Variants in RBFOX1 observed in about 807,000 individuals in gnomAD.
RBFOX1 encodes RNA binding fox-1 homolog 1, also known as RNA binding protein fox-1 homolog 1.
In RBFOX1, 8 loss-of-function variants were observed where a neutral mutation model predicts 57.7. The observed-to-expected ratio is 0.14, with a 90% CI of 0.08 to 0.25. The LOEUF is 0.25. RBFOX1 is among the 10% of genes least tolerant of loss of function. The pLI, the probability that RBFOX1 is intolerant of heterozygous loss-of-function variation, is 1.00. For missense variants in RBFOX1, 611 were observed against 548.5 expected (o/e 1.11, Z -1.14); for synonymous variants, 326 against 222.4 (o/e 1.47, Z -4.15).
intron 3 of RBFOX1, among the ~76,000 whole-genome samples, chr16:5,674,994 A>T (rs961185409): frequency 1.2e-4 from 18 of 152,032 alleles, no homozygotes; most frequent in African/African-American, 4.1e-4. Flanking sequence ...GAAAAATTTT[A>T]AAAAATTAGC....
chr16:6,530,096 A>G (rs2096635720), intron 2 of RBFOX1, among the ~76,000 whole-genome samples: 1 of 152,286 alleles, frequency 6.6e-6, no homozygotes, highest in Non-Finnish European at 1.5e-5. Flanking sequence ...TCAGACTTGT[A>G]GCTTCCGAAA....
intron 3 of RBFOX1, among the ~76,000 whole-genome samples, chr16:5,743,641 CAT>C (rs1392536999): frequency 6.6e-6 from 1 of 152,212 alleles, no homozygotes; most frequent in African/African-American, 2.4e-5. Context: ...AAAAATCACA[CAT>C]GATTTTCATT....
At chr16:6,070,403 A>G (rs184841003) in intron 1 of RBFOX1, among the ~76,000 whole-genome samples, 211 of 152,312 alleles carry the variant, frequency 1.4e-3, no homozygotes, top group African/African-American at 5.0e-3. Context: ...GCCTTTTGCA[A>G]ACACAGCTGA....
intron 4 of RBFOX1, among the ~76,000 whole-genome samples, chr16:7,385,915 G>GTTAT (rs1217391760): frequency 2.4e-4 from 21 of 89,040 alleles, no homozygotes; most frequent in African/African-American, 4.0e-4. Context: ...ACCATGCCCA[G>GTTAT]TTACTTATTT....
At chr16:5,314,823 A>G (rs1488100319) in intron 1 of RBFOX1, among the ~76,000 whole-genome samples, 1 of 119,698 alleles carries the variant, frequency 8.4e-6, no homozygotes. Context: ...AAACCAGAAG[A>G]TATTGGAAAA....
At chr16:7,097,261 A>G (rs2061860700) in intron 4 of RBFOX1, among the ~76,000 whole-genome samples, 1 of 152,098 alleles carries the variant, frequency 6.6e-6, no homozygotes, top group South Asian at 2.1e-4. Flanking sequence ...TTAGAAGGCC[A>G]TTGTGTACGT....
intron 5 of RBFOX1, among the ~76,000 whole-genome samples, chr16:7,554,564 T>A (rs1292434974): frequency 1.3e-5 from 2 of 152,230 alleles, no homozygotes; most frequent in Admixed American, 6.5e-5. Context: ...AATGTGGAGA[T>A]GTTCAAAGTC....
intron 5 of RBFOX1, among the ~76,000 whole-genome samples, chr16:7,546,456 G>A (rs1342153015): frequency 6.6e-6 from 1 of 152,196 alleles, no homozygotes; most frequent in Non-Finnish European, 1.5e-5. Context: ...CCCTTATGGT[G>A]TGCTTAAACC....
At chr16:6,973,341 C>G (rs748723311) in intron 3 of RBFOX1, among the ~76,000 whole-genome samples, 1 of 152,158 alleles carries the variant, frequency 6.6e-6, no homozygotes. Context: ...CAGACAAAAG[C>G]AGCACTTATT....
At chr16:5,484,852 T>C (rs2069670530) in intron 2 of RBFOX1, among the ~76,000 whole-genome samples, 1 of 150,508 alleles carries the variant, frequency 6.6e-6, no homozygotes, top group Non-Finnish European at 1.5e-5. Flanking sequence ...CCAGAGATCG[T>C]GTCACTGCAC....
At chr16:6,965,993 T>C (rs1468703089) in intron 3 of RBFOX1, among the ~76,000 whole-genome samples, 1 of 152,124 alleles carries the variant, frequency 6.6e-6, no homozygotes, top group Non-Finnish European at 1.5e-5. Context: ...GGGGAGTAAA[T>C]GCTCAAAATG....
intron 3 of RBFOX1, among the ~76,000 whole-genome samples, chr16:5,753,680 T>G (rs902296071): frequency 6.6e-5 from 10 of 152,152 alleles, no homozygotes; most frequent in Non-Finnish European, 1.5e-4. Context: ...CCACAGAAAC[T>G]GGAAAACCCT....
chr16:5,472,825 G>A (rs2069183829), intron 2 of RBFOX1, among the ~76,000 whole-genome samples: 1 of 152,208 alleles, frequency 6.6e-6, no homozygotes, highest in Admixed American at 6.5e-5. Context: ...CATGGAAGCT[G>A]CACGCCTGTC....
At chr16:6,933,694 G>T (rs1263397480) in intron 3 of RBFOX1, among the ~76,000 whole-genome samples, 2 of 152,250 alleles carry the variant, frequency 1.3e-5, no homozygotes, top group Non-Finnish European at 2.9e-5. Flanking sequence ...CAGCCTGGGG[G>T]ACAGCACGAG....
At chr16:7,629,003 T>G (rs1472966876) in intron 10 of RBFOX1, among the ~76,000 whole-genome samples, 6 of 152,220 alleles carry the variant, frequency 3.9e-5, no homozygotes, top group African/African-American at 1.4e-4. Flanking sequence ...ATATATTTAC[T>G]ACCCAGAGAA....
intron 4 of RBFOX1, among the ~76,000 whole-genome samples, chr16:7,256,282 G>C (rs555830612): frequency 6.6e-6 from 1 of 152,104 alleles, no homozygotes; most frequent in East Asian, 1.9e-4. Context: ...GTTCTGATGA[G>C]GGGAGAGGTT....
chr16:7,044,312 G>C (rs1228921775), intron 3 of RBFOX1, among the ~76,000 whole-genome samples: 1 of 152,212 alleles, frequency 6.6e-6, no homozygotes, highest in Non-Finnish European at 1.5e-5. Flanking sequence ...TTCTTGCAGA[G>C]CCAGTCTGAT....
intron 2 of RBFOX1, among the ~76,000 whole-genome samples, chr16:6,365,990 C>T (rs1417287271): frequency 2.0e-5 from 3 of 148,434 alleles, no homozygotes; most frequent in Non-Finnish European, 4.5e-5. Flanking sequence ...TTTTTTTTTT[C>T]CACGATACAT....
At chr16:6,670,610 A>G (rs2098758012) in intron 3 of RBFOX1, among the ~76,000 whole-genome samples, 1 of 152,242 alleles carries the variant, frequency 6.6e-6, no homozygotes, top group South Asian at 2.1e-4. Flanking sequence ...AATTAAAACC[A>G]TATAATATAC....
Sources: allele counts gnomAD v4.1 joint callset (sites outside exome capture counted in the v4.1 genomes callset), GRCh38; gene constraint gnomAD v4.1.1; transcripts MANE v1.5; gene names NCBI Gene and HGNC (gene_info 2026-07-23, HGNC 2026-07-21).